The following RIOK2 variants were observed in gnomAD, a reference collection of about 807,000 sequenced individuals.
RIOK2 encodes the protein serine/threonine-protein kinase RIO2.
RIOK2 carries 46 observed loss-of-function variants against 62.4 expected under a neutral mutation model. The ratio of observed to expected loss-of-function variants is 0.74; its 90% CI spans 0.58 to 0.94. The LOEUF is 0.94. Among genes scored for constraint, RIOK2 ranks in the 40% least tolerant of loss-of-function variants. The probability of loss-of-function intolerance (pLI) is 0.00; values close to 1 mark genes in which losing one functional copy is unlikely to be tolerated. For missense variants in RIOK2, 574 were observed against 658.0 expected, an observed-to-expected ratio of 0.87 and a Z score of 1.40; for synonymous variants, 197 against 216.0, an observed-to-expected ratio of 0.91 and a Z score of 0.77.
At position 97,165,671 on chromosome 5, in the gene RIOK2, A is replaced by G. The variant is rs532114660; in HGVS notation, c.1398-524T>C. Among the ~76,000 whole-genome samples, 46 of 152,340 alleles carry G rather than the reference A, an allele frequency of 3.0e-4. 1 individual carries two copies. The highest frequency in any genetic ancestry group is 2.8e-3 in the Admixed American group (43 of 15,300). On this transcript the variant is annotated intron_variant, in intron 8 of 9. Transcript: ENST00000283109. ...AACTCGGACGATATTAACTCCTAACAGTTAATATTTTTCAGCAACATCTGC... is the reference window on the plus strand; with the variant it reads ...AACTCGGACGATATTAACTCCTAACGGTTAATATTTTTCAGCAACATCTGC...
At chr5:97,181,928 T>C (rs1749424477) in intron 1 of RIOK2, among the ~76,000 whole-genome samples, 1 of 152,230 alleles carries the variant, frequency 6.6e-6, no homozygotes, top group African/African-American at 2.4e-5. Context: ...GTCTTCCAAA[T>C]TTCACACTGA....
intron 4 of RIOK2, 185 bp downstream of exon 4, chr5:97,176,931 T>C (rs911432674): frequency 2.3e-5 from 13 of 559,196 alleles, no homozygotes; most frequent in Non-Finnish European, 4.1e-5. Context: ...TACCTTAACG[T>C]AGAAGGAAAT....
In RIOK2 at chr5:97,166,368, A is replaced by G. The variant is rs7714525; in HGVS notation, c.1397+1099T>C. 2.8e-3 allele frequency: 1,268 copies of G among 446,644 alleles called. 11 individuals carry two copies. Among genetic ancestry groups the G allele is most frequent in the African/African-American group, 0.023 (1,143 of 49,646 alleles). The allele number at this position is 446,644 out of a possible 1,614,324, so 27.7% of individuals were successfully genotyped here. A position where few individuals can be genotyped will look rare whatever the true frequency, so the allele number is the denominator to read the frequency against. On this transcript the variant is annotated intron_variant, in intron 8 of 9. Coordinates refer to ENST00000283109, the MANE Select transcript of RIOK2 (RefSeq NM_018343.3). Reference sequence around the variant, plus strand: ...GGCAGTAGCCCTGTGACACAGATACACAGCTATATGAAAAAGGAACAAAAT... The same window carrying G: ...GGCAGTAGCCCTGTGACACAGATACGCAGCTATATGAAAAAGGAACAAAAT...
intron 6 of RIOK2, among the ~76,000 whole-genome samples, 159 bp from the exon 7 acceptor site, chr5:97,169,011 G>C (rs1748923015): frequency 6.6e-6 from 1 of 152,176 alleles, no homozygotes; most frequent in Non-Finnish European, 1.5e-5. Context: ...GAGTTAACCA[G>C]TGTGTTTGAA....
chr5:97,180,131 T>TGC, intron 1 of RIOK2, among the ~76,000 whole-genome samples: 2 of 37,340 alleles, frequency 5.4e-5, no homozygotes, highest in Non-Finnish European at 1.3e-4. Flanking sequence ...TATATGTATA[T>TGC]ATATATATAT....
intron 8 of RIOK2, among the ~76,000 whole-genome samples, chr5:97,165,761 T>C (rs931917011): frequency 6.6e-6 from 1 of 152,228 alleles, no homozygotes; most frequent in African/African-American, 2.4e-5. Flanking sequence ...ACAAAATTAT[T>C]GTTCCCATTC....
chr5:97,180,397 G>A (rs1266980888), intron 1 of RIOK2, among the ~76,000 whole-genome samples: 1 of 151,758 alleles, frequency 6.6e-6, no homozygotes, highest in Non-Finnish European at 1.5e-5. Context: ...GAAAGAAAAA[G>A]ATTTGAAAAT....
At chr5:97,164,040 A>C (rs1007575991) in intron 9 of RIOK2, among the ~76,000 whole-genome samples, 1 of 151,996 alleles carries the variant, frequency 6.6e-6, no homozygotes, top group African/African-American at 2.4e-5. Flanking sequence ...ATACAGGTGT[A>C]TACCACTACA....
intron 1 of RIOK2, among the ~76,000 whole-genome samples, chr5:97,180,612 G>A (rs559544426): frequency 6.6e-6 from 1 of 152,122 alleles, no homozygotes; most frequent in Non-Finnish European, 1.5e-5. Flanking sequence ...GGAGACACAC[G>A]AACAGGGTTA....
At chr5:97,171,460 T>C in intron 5 of RIOK2, 63 bp from the exon 6 acceptor site, 1 of 1,143,114 alleles carries the variant, frequency 8.7e-7, no homozygotes, top group South Asian at 2.0e-5. Flanking sequence ...AACGAAAGTA[T>C]GTATGCATGT....
intron 1 of RIOK2, 65 bp from the exon 2 acceptor site, chr5:97,179,258 G>A (rs759994386): frequency 1.1e-4 from 164 of 1,493,896 alleles, no homozygotes; most frequent in Non-Finnish European, 1.4e-4. Flanking sequence ...AAAACCCTGC[G>A]AAATTAACTT....
At chr5:97,176,984 G>T in intron 4 of RIOK2, 132 bp downstream of exon 4, 1 of 736,544 alleles carries the variant, frequency 1.4e-6, no homozygotes, top group Non-Finnish European at 2.3e-6. Flanking sequence ...ATTTAAGATT[G>T]AGTCTGTCTG....
At chr5:97,174,594 C>A (rs377168448) in intron 4 of RIOK2, among the ~76,000 whole-genome samples, 1 of 152,082 alleles carries the variant, frequency 6.6e-6, no homozygotes, top group East Asian at 1.9e-4. Context: ...CACCTAAACA[C>A]ATAGGACTCA....
At chr5:97,179,978 ATATATATATATAAAAT>A (rs1749298075) in intron 1 of RIOK2, among the ~76,000 whole-genome samples, 2 of 22,132 alleles carry the variant, frequency 9.0e-5, no homozygotes, top group African/African-American at 1.3e-4. Context: ...TATATATATA[ATATATATATATAAAAT>A]ATATATATAT....
At chr5:97,168,099 A>G (rs1043025947) in intron 7 of RIOK2, 108 bp from the exon 8 acceptor site, 7 of 1,120,826 alleles carry the variant, frequency 6.2e-6, no homozygotes, top group African/African-American at 1.6e-5. Flanking sequence ...TTAATAGCTT[A>G]TATGTTAAAA....
rs1261438231 is a variant in RIOK2 at position 97,177,712 on chromosome 5, A to G, written c.322+20T>C. 2 of 1,373,522 alleles carry G rather than the reference A, an allele frequency of 1.5e-6. No homozygotes were observed. The allele number at this position is 1,373,522 out of a possible 1,614,324, so 85.1% of individuals were successfully genotyped here. A position where few individuals can be genotyped will look rare whatever the true frequency, so the allele number is the denominator to read the frequency against. On this transcript the variant is annotated intron_variant, in intron 3 of 9. Transcript: ENST00000283109. The stretch of plus-strand genomic sequence containing the variant: ...AACTAAAGCAAAGAAAATACTTTGC[A>G]CAGTACTATTAGCACTTACCTGATT...
rs1325877222 is a variant in RIOK2 at position 97,173,094 on chromosome 5, AC to A, written c.587+80del. The A allele has an allele frequency of 4.1e-6, 4 of 983,046 alleles. No homozygotes were observed. In the East Asian group the frequency reaches 1.1e-4, roughly 26 times the overall value. The allele number at this position is 983,046 out of a possible 1,614,324, so 60.9% of individuals were successfully genotyped here. A position where few individuals can be genotyped will look rare whatever the true frequency, so the allele number is the denominator to read the frequency against. On this transcript the variant is annotated intron_variant, in intron 5 of 9. Coordinates refer to ENST00000283109, the MANE Select transcript of RIOK2 (RefSeq NM_018343.3). ...ACCTCCCAGAGGCAATATTTCATTA[AC>A]TAAAAAAAATTTTATTAAAAACCCT...
Position 97,162,133 on chromosome 5 carries a change from G to A in RIOK2, c.*928C>T, listed in dbSNP as rs959660326. On this transcript the variant is annotated 3_prime_UTR_variant, in exon 10 of 10. Transcript: ENST00000283109. ...AAGTAATCCTGTTTGGTGACTATGGGGTGATATTGCCATCTAGTGGCCATT... is the reference window on the plus strand; with the variant it reads ...AAGTAATCCTGTTTGGTGACTATGGAGTGATATTGCCATCTAGTGGCCATT... The A allele has an allele frequency of 6.6e-5, 10 of 152,152 alleles. No individual in the cohort carries two copies. Among genetic ancestry groups the A allele is most frequent in the African/African-American group, 2.4e-4 (10 of 41,506 alleles). The allele number at this position is 152,152 out of a possible 1,614,324, so 9.4% of individuals were successfully genotyped here.
At chr5:97,181,273 A>AC (rs1416657635) in intron 1 of RIOK2, among the ~76,000 whole-genome samples, 1 of 150,624 alleles carries the variant, frequency 6.6e-6, no homozygotes, top group African/African-American at 2.4e-5. Context: ...TCCGTCTCAA[A>AC]AAAAAAAAAA....
Sources: gnomAD v4.1 joint callset for allele counts (sites outside exome capture counted in the v4.1 genomes callset) on GRCh38, gnomAD v4.1.1 for gene constraint, MANE v1.5 for transcripts, NCBI Gene and HGNC (gene_info 2026-07-23, HGNC 2026-07-21) for gene names.